C9orf57: variants seen among roughly 807,000 people sequenced by gnomAD.
The protein encoded by C9orf57 is chromosome 9 open reading frame 57.
C9orf57 carries 12 observed loss-of-function variants against 12.9 expected under a neutral mutation model. The ratio of observed to expected loss-of-function variants is 0.93; its 90% CI spans 0.60 to 1.51. C9orf57 has a LOEUF of 1.51. C9orf57 is among the 40% of genes most tolerant of loss of function. C9orf57 has a pLI of 0.00. For synonymous variants in C9orf57, 49 were observed against 57.1 expected, an observed-to-expected ratio of 0.86 and a Z score of 0.64; for missense variants, 141 against 162.8, an observed-to-expected ratio of 0.87 and a Z score of 0.73.
intron 1 of C9orf57, 53 bp downstream of exon 1, chr9:72,060,444 G>T: frequency 1.1e-6 from 1 of 903,792 alleles, no homozygotes; most frequent in Non-Finnish European, 1.8e-6. Context: ...AAAATGAAGG[G>T]AAGAAATTGT....
At chr9:72,060,066 G>A (rs1158683074) in intron 1 of C9orf57, among the ~76,000 whole-genome samples, 1 of 151,830 alleles carries the variant, frequency 6.6e-6, no homozygotes, top group Non-Finnish European at 1.5e-5. Context: ...TATTATTTTT[G>A]AGATGGAGTC....
chr9:72,054,159 C>T (rs748887150), intron 4 of C9orf57, among the ~76,000 whole-genome samples: 3 of 152,174 alleles, frequency 2.0e-5, no homozygotes, highest in East Asian at 1.9e-4. Context: ...CCACCACACC[C>T]GGCTAATTTT....
At position 72,059,531 on chromosome 9, in the gene C9orf57, C is replaced by A. The variant is rs1824284149; in HGVS notation, c.-53-147G>T. 9 of 1,053,418 alleles carry A rather than the reference C, an allele frequency of 8.5e-6. No homozygotes were observed. In the South Asian group the frequency reaches 1.6e-4, roughly 18 times the overall value. 65.3% of individuals were successfully genotyped at this position (1,053,418 alleles called of 1,614,324 possible). On this transcript the variant is annotated intron_variant, in intron 1 of 4. Transcript: ENST00000651200. ...AAGGTACCTGTCTTTATAAAAAAGTCACCATATGGCTGGACGCAGTGGCTC... is the reference window on the plus strand; with the variant it reads ...AAGGTACCTGTCTTTATAAAAAAGTAACCATATGGCTGGACGCAGTGGCTC...
chr9:72,057,373 A>C (rs558761736), intron 2 of C9orf57, among the ~76,000 whole-genome samples: 6 of 151,948 alleles, frequency 3.9e-5, no homozygotes, highest in East Asian at 3.9e-4. Context: ...TTACAGGTGC[A>C]CACCACCAGG....
chr9:72,053,761 T>G (rs1824130190), intron 4 of C9orf57, among the ~76,000 whole-genome samples: 1 of 152,238 alleles, frequency 6.6e-6, no homozygotes, highest in Non-Finnish European at 1.5e-5. Context: ...CCTCTAATTT[T>G]TGTTCTTCCC....
intron 3 of C9orf57, 92 bp from the exon 4 acceptor site, chr9:72,056,288 A>AT (rs1316132844): frequency 1.2e-6 from 1 of 845,714 alleles, no homozygotes; most frequent in Non-Finnish European, 1.6e-6. Flanking sequence ...TAAAGTAGTG[A>AT]TTTTTGACTT....
intron 4 of C9orf57, among the ~76,000 whole-genome samples, chr9:72,052,960 T>G (rs1824111120): frequency 6.6e-6 from 1 of 152,136 alleles, no homozygotes; most frequent in African/African-American, 2.4e-5. Flanking sequence ...GACAGTAACA[T>G]CCTGTAATTC....
Position 72,052,338 on chromosome 9 carries a change from A to G in C9orf57, c.378T>C (p.Leu126=). 1 of 1,551,828 alleles carries G rather than the reference A, an allele frequency of 6.4e-7. No homozygotes were observed. The highest frequency in any genetic ancestry group is 8.7e-7 in the Non-Finnish European group (1 of 1,147,012). The part of the protein sequence containing the change: ...LVKRILQLHE[L]VTTHCCNHSL... ...AATGATTGCAGCAGTGAGTAGTTAC[A>G]AGTTCATGCAGTTGCAGAATTCTCT... is the stretch of plus-strand genomic sequence containing the variant. The change falls in exon 5 of 5, where the codon CTT becomes CTC. Residue 126 remains leucine, a synonymous_variant. Coordinates refer to ENST00000651200, the MANE Select transcript of C9orf57 (RefSeq NM_001128618.2).
intron 1 of C9orf57, among the ~76,000 whole-genome samples, chr9:72,060,174 G>A (rs1824302288): frequency 6.6e-6 from 1 of 152,164 alleles, no homozygotes; most frequent in Non-Finnish European, 1.5e-5. Context: ...AGCCTCCCGA[G>A]TAGCTGGGAT....
rs1017642387 is a variant in C9orf57, at chr9:72,052,400, T to C, written c.316A>G (p.Lys106Glu). 13 of 1,552,132 alleles carry C rather than the reference T, an allele frequency of 8.4e-6. No homozygotes were observed. Among genetic ancestry groups the C allele is most frequent in the Admixed American group, 2.0e-5 (1 of 50,978 alleles). Residue 106 changes from lysine to glutamate, a missense_variant, in exon 5 of 5, where the codon AAG (lysine) becomes GAG (glutamate). Coordinates refer to ENST00000651200, the MANE Select transcript of C9orf57 (RefSeq NM_001128618.2). ...CTCTTGAAGCACTCTGATGTGTTCT[T>C]TGTGCAGCCTTTGACTGAATACCAT... ...IQWYSVKGCT[K>E]NTSECFKSTL...
chr9:72,059,292 G>A lies in C9orf57; in HGVS notation c.40C>T (p.Leu14Phe), dbSNP rs1824276901. 1.3e-6 allele frequency: 2 copies of A among 1,551,498 alleles called. No homozygotes were observed. Among genetic ancestry groups the A allele is most frequent in the Non-Finnish European group, 1.7e-6 (2 of 1,146,948 alleles). Residue 14 changes from leucine (L) to phenylalanine (F), a missense_variant, in exon 2 of 5, where the codon CTC becomes TTC. Leu to Phe is a conservative substitution (Grantham distance 22). Transcript: ENST00000651200. ...AGGCGGAATAAGATAACACCTAAGA[G>A]GCGGAATAAGATAACACCAGCAAAA... ...IVFAGVILFR[L>F]LGVILFRLLG...
intron 4 of C9orf57, among the ~76,000 whole-genome samples, chr9:72,054,728 T>C (rs1824153287): frequency 6.6e-6 from 1 of 152,080 alleles, no homozygotes; most frequent in Admixed American, 6.5e-5. Context: ...TGATTGTTGG[T>C]CTTTTTAAAA....
intron 2 of C9orf57, 90 bp from the exon 3 acceptor site, chr9:72,056,933 G>A: frequency 9.9e-7 from 1 of 1,013,294 alleles, no homozygotes; most frequent in East Asian, 2.7e-5. Flanking sequence ...TTTTGAGACA[G>A]GGTTGCACTC....
chr9:72,057,808 T>A (rs1327292480), intron 2 of C9orf57, among the ~76,000 whole-genome samples: 1 of 152,212 alleles, frequency 6.6e-6, no homozygotes, highest in African/African-American at 2.4e-5. Flanking sequence ...TATTTATTGC[T>A]TCATTAATGT....
chr9:72,057,503 G>A (rs10869088), intron 2 of C9orf57, among the ~76,000 whole-genome samples: 57,826 of 152,094 alleles, frequency 0.38, 12,859 homozygotes, highest in Non-Finnish European at 0.52. Flanking sequence ...TGGGATTACA[G>A]GTGTGAGCCA....
rs983089590 is a variant in C9orf57 at position 72,051,806 on chromosome 9, C to A, written c.*490G>T. ...CTTGCTGATTCATGGCTTATTTTTT[C>A]CCTATAGTATATGTTAAGTCAGTTT... On this transcript the variant is annotated 3_prime_UTR_variant, in exon 5 of 5. Coordinates refer to ENST00000651200, the MANE Select transcript of C9orf57 (RefSeq NM_001128618.2). 1 of 152,482 alleles carries A rather than the reference C, an allele frequency of 6.6e-6. No homozygotes were observed. The highest frequency in any genetic ancestry group is 1.5e-5 in the Non-Finnish European group (1 of 68,306). The allele number at this position is 152,482 out of a possible 1,614,324, so 9.4% of individuals were successfully genotyped here.
intron 2 of C9orf57, among the ~76,000 whole-genome samples, chr9:72,057,936 C>T (rs1390328385): frequency 1.3e-5 from 2 of 152,252 alleles, no homozygotes; most frequent in South Asian, 4.1e-4. Context: ...GATTGGAAGA[C>T]ATTATCTAGA....
rs1322265232 is a variant in C9orf57 at position 72,052,327 on chromosome 9, T to C, written c.389A>G (p.His130Arg). 1.9e-6 allele frequency: 3 copies of C among 1,551,788 alleles called. No homozygotes were observed. Among genetic ancestry groups the C allele is most frequent in the African/African-American group, 1.4e-5 (1 of 73,168 alleles). ...ATTGCACAAAGAATGATTGCAGCAG[T>C]GAGTAGTTACAAGTTCATGCAGTTG... ...ILQLHELVTT[H>R]CCNHSLCNF is the part of the protein sequence containing the mutation. The change falls in exon 5 of 5, where the codon CAC becomes CGC. Residue 130 changes from histidine to arginine, a missense_variant. Coordinates refer to ENST00000651200, the MANE Select transcript of C9orf57 (RefSeq NM_001128618.2).
Position 72,054,178 on chromosome 9 carries a change from A to C in C9orf57, c.281-1743T>G, listed in dbSNP as rs140745301. 1.6e-3 allele frequency among the ~76,000 whole-genome samples: 250 copies of C among 152,260 alleles called. 6 individuals carry two copies. The East Asian group carries it at 0.043, about 26-fold the overall frequency. On this transcript the variant is annotated intron_variant, in intron 4 of 4. Coordinates refer to ENST00000651200, the MANE Select transcript of C9orf57 (RefSeq NM_001128618.2). Reference sequence around the variant, plus strand: ...CACACCCGGCTAATTTTGTATTTTTAGTAGAGATGGGAGTTCTCCATGTTG... The same window carrying C: ...CACACCCGGCTAATTTTGTATTTTTCGTAGAGATGGGAGTTCTCCATGTTG...
Sources: gnomAD v4.1 joint callset for allele counts (sites outside exome capture counted in the v4.1 genomes callset) on GRCh38, gnomAD v4.1.1 for gene constraint, MANE v1.5 for transcripts, NCBI Gene and HGNC (gene_info 2026-07-23, HGNC 2026-07-21) for gene names.